Variants in FRMPD2 observed in about 807,000 individuals in gnomAD.
FRMPD2 encodes FERM and PDZ domain-containing protein 2.
Under a neutral mutation model 140.1 loss-of-function variants are expected in FRMPD2, and 96 were observed. That is an observed-to-expected ratio of 0.69 (90% CI 0.58 to 0.81). FRMPD2 has a LOEUF of 0.81. Among genes scored for constraint, FRMPD2 ranks in the 40% least tolerant of loss-of-function variants. The pLI, the probability that FRMPD2 is intolerant of heterozygous loss-of-function variation, is 0.00. For missense variants in FRMPD2, 1,240 were observed against 1,447.4 expected (o/e 0.86, Z 2.32); for synonymous variants, 449 against 547.6 (o/e 0.82, Z 2.52).
intron 16 of FRMPD2, 140 bp downstream of exon 16, chr10:48,192,544 G>A (rs1328333737): frequency 8.9e-5 from 65 of 726,266 alleles, no homozygotes; most frequent in Admixed American, 5.9e-4. Context: ...CCAAGATCAC[G>A]CCACTGCACT....
chr10:48,164,308 C>G (rs1432560587), intron 27 of FRMPD2, among the ~76,000 whole-genome samples: 3 of 151,360 alleles, frequency 2.0e-5, no homozygotes, highest in African/African-American at 7.3e-5. Context: ...TATTTTACAA[C>G]TCTATAAATA....
chr10:48,252,762 AGTATT>A (rs2081487492), intron 1 of FRMPD2, among the ~76,000 whole-genome samples: 1 of 152,184 alleles, frequency 6.6e-6, no homozygotes, highest in South Asian at 2.1e-4. Flanking sequence ...TGAAGAAGGG[AGTATT>A]GTTTCCATTT....
intron 12 of FRMPD2, among the ~76,000 whole-genome samples, chr10:48,218,883 A>T (rs1839514286): frequency 6.6e-6 from 1 of 152,188 alleles, no homozygotes; most frequent in Non-Finnish European, 1.5e-5. Flanking sequence ...AAAGAACCAG[A>T]ACCCTTCAAT....
intron 1 of FRMPD2, among the ~76,000 whole-genome samples, chr10:48,262,419 G>A (rs1840608023): frequency 6.6e-6 from 1 of 152,186 alleles, no homozygotes; most frequent in African/African-American, 2.4e-5. Flanking sequence ...CATAATGATA[G>A]AGGTCAATAT....
intron 18 of FRMPD2, among the ~76,000 whole-genome samples, chr10:48,185,335 T>G (rs1838655365): frequency 6.6e-6 from 1 of 152,138 alleles, no homozygotes; most frequent in Non-Finnish European, 1.5e-5. Context: ...GCATTGTACT[T>G]AGATGCACCC....
chr10:48,179,868 AG>A (rs2132419931), intron 21 of FRMPD2, among the ~76,000 whole-genome samples: 1 of 152,344 alleles, frequency 6.6e-6, no homozygotes, highest in African/African-American at 2.4e-5. Context: ...AGCCTGAGTA[AG>A]GGAGGATAGG....
At chr10:48,158,812 C>T (rs1412087670) in intron 28 of FRMPD2, 1 of 259,778 alleles carries the variant, frequency 3.8e-6, no homozygotes, top group African/African-American at 2.4e-5. Flanking sequence ...GGGTCCCCAC[C>T]AAGTCCTGAA....
intron 28 of FRMPD2, chr10:48,158,816 TC>T (rs1171012175): frequency 3.7e-6 from 1 of 267,178 alleles, no homozygotes; most frequent in Admixed American, 5.1e-5. Context: ...CCCCACCAAG[TC>T]CTGAAACTCT....
intron 21 of FRMPD2, chr10:48,178,824 A>G (rs1384659903): frequency 6.6e-6 from 1 of 152,452 alleles, no homozygotes; most frequent in Non-Finnish European, 1.5e-5. Flanking sequence ...CTACCAGAGG[A>G]AGGCCTGGGG....
chr10:48,231,202 A>G (rs1392841620), intron 10 of FRMPD2, among the ~76,000 whole-genome samples: 1 of 152,222 alleles, frequency 6.6e-6, no homozygotes, highest in Non-Finnish European at 1.5e-5. Flanking sequence ...AGAAATGTAA[A>G]CATTATCAAT....
intron 12 of FRMPD2, among the ~76,000 whole-genome samples, chr10:48,214,051 G>C (rs1839389391): frequency 6.6e-6 from 1 of 152,146 alleles, no homozygotes; most frequent in Non-Finnish European, 1.5e-5. Flanking sequence ...GTTTTACCTA[G>C]TAGCTGCCGA....
At chr10:48,192,174 C>T (rs1163427151) in intron 16 of FRMPD2, among the ~76,000 whole-genome samples, 1 of 152,138 alleles carries the variant, frequency 6.6e-6, no homozygotes, top group Non-Finnish European at 1.5e-5. Flanking sequence ...GAGAGGTTGG[C>T]CCTAGAGTGT....
intron 23 of FRMPD2, 62 bp from the exon 24 acceptor site, chr10:48,175,017 C>T (rs1399733419): frequency 2.9e-6 from 2 of 687,916 alleles, no homozygotes; most frequent in African/African-American, 3.7e-5. Flanking sequence ...GGTTCCCTTC[C>T]AGGAGGCCCC....
intron 1 of FRMPD2, among the ~76,000 whole-genome samples, chr10:48,257,780 G>A (rs950668955): frequency 3.3e-5 from 5 of 152,174 alleles, no homozygotes; most frequent in African/African-American, 9.7e-5. Context: ...AACAGCAGCA[G>A]CGACCTCATG....
At chr10:48,184,508 C>A in intron 20 of FRMPD2, 58 bp downstream of exon 20, 1 of 1,024,130 alleles carries the variant, frequency 9.8e-7, no homozygotes, top group Admixed American at 1.8e-5. Flanking sequence ...TCACAGTAAT[C>A]ATGTACTCCT....
upstream of FRMPD2, chr10:48,274,724 CGAGT>C: frequency 4.4e-6 from 3 of 679,272 alleles, no homozygotes; most frequent in Non-Finnish European, 7.9e-6. Flanking sequence ...TGCTGCCCAG[CGAGT>C]GAGTCAACAA....
At chr10:48,261,556 G>A in intron 1 of FRMPD2, among the ~76,000 whole-genome samples, 1 of 152,258 alleles carries the variant, frequency 6.6e-6, no homozygotes, top group East Asian at 1.9e-4. Flanking sequence ...ATACTGCAAA[G>A]TTAACATTCA....
chr10:48,243,633 T>C (rs1294745544), intron 4 of FRMPD2, among the ~76,000 whole-genome samples: 1 of 152,144 alleles, frequency 6.6e-6, no homozygotes, highest in Non-Finnish European at 1.5e-5. Context: ...AGGGACCCTA[T>C]CCTAGGCTCC....
chr10:48,170,914 T>TC (rs1838225006), intron 26 of FRMPD2, 80 bp downstream of exon 26: 1 of 924,382 alleles, frequency 1.1e-6, no homozygotes, highest in Non-Finnish European at 1.8e-6. Flanking sequence ...CCCAGAGTTT[T>TC]CCCCACGGCA....
Sources: allele counts gnomAD v4.1 joint callset (sites outside exome capture counted in the v4.1 genomes callset), GRCh38; gene constraint gnomAD v4.1.1; transcripts MANE v1.5; gene names NCBI Gene and HGNC (gene_info 2026-07-23, HGNC 2026-07-21).